The following PHACTR2 variants were observed in gnomAD, a reference collection of about 807,000 sequenced individuals.
PHACTR2 encodes the protein phosphatase and actin regulator 2.
A neutral mutation model predicts 76.0 loss-of-function variants in PHACTR2; 30 were observed. The ratio of observed to expected loss-of-function variants is 0.39; its 90% CI spans 0.30 to 0.54. The LOEUF (loss-of-function observed/expected upper bound fraction) is 0.54. PHACTR2 is among the 20% of genes least tolerant of loss of function. The pLI, the probability that PHACTR2 is intolerant of heterozygous loss-of-function variation, is 0.61. For synonymous variants in PHACTR2, 292 were observed against 292.5 expected (o/e 1.00, Z 0.02); for missense variants, 696 against 781.1 (o/e 0.89, Z 1.30).
At position 143,679,391 on chromosome 6, in the gene PHACTR2, G is replaced by A. The variant is rs1193701151; in HGVS notation, c.46+1182G>A. 1.3e-5 allele frequency among the ~76,000 whole-genome samples: 2 copies of A among 152,156 alleles called. No individual in the cohort carries two copies. Among genetic ancestry groups the A allele is most frequent in the Admixed American group, 1.3e-4 (2 of 15,282 alleles). ...ACATGGCTACAGCTCTGAAATCAAA[G>A]ACCTCATGTTGACAGCTTTTTGAGA... On this transcript the variant is annotated intron_variant, in intron 1 of 12. Coordinates refer to ENST00000440869, the MANE Select transcript of PHACTR2 (RefSeq NM_001100164.2). The surrounding 1 kb of genome is among the most constrained non-coding windows in gnomAD (Gnocchi z 4.6).
chr6:143,704,216 G>T (rs1422742391), intron 1 of PHACTR2, among the ~76,000 whole-genome samples: 1 of 151,984 alleles, frequency 6.6e-6, no homozygotes, highest in Non-Finnish European at 1.5e-5. Flanking sequence ...TGGGCCCATT[G>T]TCTACCATTT....
rs1298599095 is a variant in PHACTR2, at chr6:143,656,259, C to T, written c.13+47937C>T. On this transcript the variant is annotated intron_variant, in intron 1 of 11. Transcript: ENST00000305766. The surrounding 1 kb of genome is among the most constrained non-coding windows in gnomAD (Gnocchi z 5.3). ...TCTGACCTTGGCAACTCAGTTACCT[C>T]CTGTGAGCCTAAGCTTTCTTGTCTG... Among the ~76,000 whole-genome samples the T allele has an allele frequency of 6.6e-6, 1 of 152,190 alleles. No individual in the cohort carries two copies. The highest frequency in any genetic ancestry group is 1.5e-5 in the Non-Finnish European group (1 of 68,032).
rs1036445650 is a variant in PHACTR2, at chr6:143,811,760, T to C, written c.1922+4627T>C. ...CTCCAAGACATAAAAATAATGCTTATGATTTTCAAGCTGTTTTCAGTAATT... is the reference window on the plus strand; with the variant it reads ...CTCCAAGACATAAAAATAATGCTTACGATTTTCAAGCTGTTTTCAGTAATT... On this transcript the variant is annotated intron_variant, in intron 12 of 12. Transcript: ENST00000440869. The surrounding 1 kb of genome is among the most constrained non-coding windows in gnomAD (Gnocchi z 4.1). 6.6e-6 allele frequency among the ~76,000 whole-genome samples: 1 copy of C among 152,218 alleles called. No individual in the cohort carries two copies. Among genetic ancestry groups the C allele is most frequent in the African/African-American group, 2.4e-5 (1 of 41,450 alleles).
intron 2 of PHACTR2, among the ~76,000 whole-genome samples, chr6:143,717,723 C>CCA (rs1239650997): frequency 6.6e-6 from 1 of 152,050 alleles, no homozygotes; most frequent in Non-Finnish European, 1.5e-5. Flanking sequence ...CAGGCACACA[C>CCA]CACCACACTC....
At chr6:143,604,243 T>C (rs1178793636), upstream of PHACTR2, among the ~76,000 whole-genome samples, 1 of 152,184 alleles carries the variant, frequency 6.6e-6, no homozygotes, top group East Asian at 1.9e-4. Context: ...AATAGTCAGA[T>C]AGGCCCATTT....
chr6:143,564,540 G>T (rs149611158), intron 1 of PHACTR2, among the ~76,000 whole-genome samples: 3 of 152,180 alleles, frequency 2.0e-5, no homozygotes, highest in Non-Finnish European at 4.4e-5. Context: ...ATTCATTAGA[G>T]GGGGAAGCCT....
chr6:143,670,964 C>T (rs143736707), intron 1 of PHACTR2, among the ~76,000 whole-genome samples: 2 of 151,878 alleles, frequency 1.3e-5, no homozygotes, highest in African/African-American at 4.8e-5. Flanking sequence ...CGCTCTGCAG[C>T]CCAGGCTGGA....
rs1775680172 is a variant in PHACTR2 at position 143,791,158 on chromosome 6, G to T, written c.1845+2248G>T. On this transcript the variant is annotated intron_variant, in intron 11 of 12. Transcript: ENST00000440869. The surrounding 1 kb of genome is among the most constrained non-coding windows in gnomAD (Gnocchi z 4.7). The stretch of plus-strand genomic sequence containing the variant: ...TTAACTTTTTTGTTTACCTGGAGTT[G>T]TTTTTTGGGGGAAGGTATAAGATAT... Among the ~76,000 whole-genome samples the T allele has an allele frequency of 6.6e-6, 1 of 152,054 alleles. No individual in the cohort carries two copies. Among genetic ancestry groups the T allele is most frequent in the Non-Finnish European group, 1.5e-5 (1 of 67,992 alleles).
intron 1 of PHACTR2, among the ~76,000 whole-genome samples, chr6:143,694,501 A>G (rs1393113699): frequency 6.6e-6 from 1 of 152,172 alleles, no homozygotes; most frequent in East Asian, 1.9e-4. Flanking sequence ...GAAGCCCTGT[A>G]TTTGGAGAAA....
At chr6:143,594,244 A>G (rs1775723994) in intron 1 of PHACTR2, among the ~76,000 whole-genome samples, 2 of 152,246 alleles carry the variant, frequency 1.3e-5, no homozygotes, top group South Asian at 4.1e-4. Flanking sequence ...CCCATCCCCA[A>G]AAGATCTCAT....
In PHACTR2 at chr6:143,611,791, G is replaced by A. The variant is rs1775979440; in HGVS notation, c.13+3469G>A. 6.6e-6 allele frequency among the ~76,000 whole-genome samples: 1 copy of A among 152,200 alleles called. No homozygotes were observed. The highest frequency in any genetic ancestry group is 6.5e-5 in the Admixed American group (1 of 15,284). ...GGGAAAGTGAGCAATTCTGAGCAAA[G>A]AGACTAGTCAAGTGGCTGTCTCAGA... is the stretch of plus-strand genomic sequence containing the variant. On this transcript the variant is annotated intron_variant, in intron 1 of 11. Transcript: ENST00000305766. This position sits in a 1 kb window ranked among gnomAD's most constrained non-coding sequence, Gnocchi z 4.4.
upstream of PHACTR2, among the ~76,000 whole-genome samples, chr6:143,673,301 T>G (rs1178316695): frequency 3.4e-5 from 5 of 148,990 alleles, no homozygotes; most frequent in Non-Finnish European, 7.5e-5. Flanking sequence ...TTCTATATTA[T>G]TACCAAAATT....
At chr6:143,779,247 T>C (rs560345677) in intron 9 of PHACTR2, among the ~76,000 whole-genome samples, 1 of 152,306 alleles carries the variant, frequency 6.6e-6, no homozygotes, top group East Asian at 1.9e-4. Context: ...ATTGCTCTTG[T>C]TCGTTTGTTT....
intron 1 of PHACTR2, among the ~76,000 whole-genome samples, chr6:143,542,299 G>A (rs9484762): frequency 0.04 from 6,072 of 152,180 alleles, 351 homozygotes; most frequent in African/African-American, 0.12. Flanking sequence ...CCTGACCGCC[G>A]GTCAGGCTTC....
chr6:143,706,933 C>T (rs568038391), intron 1 of PHACTR2, among the ~76,000 whole-genome samples: 23 of 152,244 alleles, frequency 1.5e-4, no homozygotes, highest in South Asian at 4.1e-4. Context: ...GTTGTACATC[C>T]GCCCTTGTTT....
In PHACTR2 at chr6:143,782,167, G is replaced by A. The variant is rs1020015692; in HGVS notation, c.1646-1052G>A. Among the ~76,000 whole-genome samples, 21 of 152,180 alleles carry A rather than the reference G, an allele frequency of 1.4e-4. No homozygotes were observed. Among genetic ancestry groups the A allele is most frequent in the East Asian group, 3.9e-4 (2 of 5,174 alleles). On this transcript the variant is annotated intron_variant, in intron 9 of 12. Coordinates refer to ENST00000440869, the MANE Select transcript of PHACTR2 (RefSeq NM_001100164.2). This position sits in a 1 kb window ranked among gnomAD's most constrained non-coding sequence, Gnocchi z 4.6. ...ATTGAACCCGGGAAGCGGAGGTTGC[G>A]GTGAGCCAAGATCGCGCCACTGCAC...
In PHACTR2 at chr6:143,754,472, T is replaced by A. The variant is rs947951667; in HGVS notation, c.454+560T>A. Among the ~76,000 whole-genome samples the A allele has an allele frequency of 6.6e-6, 1 of 152,218 alleles. No individual in the cohort carries two copies. Among genetic ancestry groups the A allele is most frequent in the Non-Finnish European group, 1.5e-5 (1 of 68,032 alleles). ...GACTGTGGTTGCTCTGCTGGCTGAT[T>A]CCCACAGCCTCTGTGCAATTGGAAA... is the stretch of plus-strand genomic sequence containing the variant. On this transcript the variant is annotated intron_variant, in intron 4 of 12. Transcript: ENST00000440869. The surrounding 1 kb of genome is among the most constrained non-coding windows in gnomAD (Gnocchi z 6.2).
intron 11 of PHACTR2, among the ~76,000 whole-genome samples, chr6:143,799,877 A>G (rs1775913753): frequency 6.6e-6 from 1 of 152,142 alleles, no homozygotes; most frequent in South Asian, 2.1e-4. Context: ...GGTGGAGAAT[A>G]CTGTAGATGT....
chr6:143,632,628 A>G (rs1231017926), intron 1 of PHACTR2, among the ~76,000 whole-genome samples: 2 of 152,106 alleles, frequency 1.3e-5, no homozygotes, highest in East Asian at 3.9e-4. Flanking sequence ...ATTAGGGTTC[A>G]CTCTTGGTGT....
Sources: allele counts gnomAD v4.1 joint callset (sites outside exome capture counted in the v4.1 genomes callset), GRCh38; gene constraint gnomAD v4.1.1; non-coding constraint Gnocchi (gnomAD v3.1); transcripts MANE v1.5; gene names NCBI Gene and HGNC (gene_info 2026-07-23, HGNC 2026-07-21).